Variants in PTHLH observed in about 807,000 individuals in gnomAD.
PTHLH encodes parathyroid hormone like hormone.
Under a neutral mutation model 18.6 loss-of-function variants are expected in PTHLH, and 5 were observed. The observed-to-expected ratio is 0.27, with a 90% CI of 0.14 to 0.56. The LOEUF (loss-of-function observed/expected upper bound fraction) is 0.56. PTHLH is among the 20% of genes least tolerant of loss of function. PTHLH has a pLI of 0.92. For missense variants in PTHLH, 207 were observed against 223.9 expected (o/e 0.92, Z 0.48); for synonymous variants, 90 against 94.0 (o/e 0.96, Z 0.25).
intron 5 of PTHLH, among the ~76,000 whole-genome samples, chr12:27,959,753 G>A (rs1158379095): frequency 2.0e-5 from 3 of 152,146 alleles, no homozygotes; most frequent in Non-Finnish European, 4.4e-5. Flanking sequence ...CTTCACCAAT[G>A]GTTTTGGTGG....
At chr12:27,960,611 A>C in intron 5 of PTHLH, among the ~76,000 whole-genome samples, 1 of 151,556 alleles carries the variant, frequency 6.6e-6, no homozygotes, top group East Asian at 1.9e-4. Flanking sequence ...CCAGCTACTC[A>C]GGAAGTTGAG....
intron 5 of PTHLH, among the ~76,000 whole-genome samples, chr12:27,959,424 T>A (rs1475258089): frequency 6.6e-6 from 1 of 152,228 alleles, no homozygotes; most frequent in Non-Finnish European, 1.5e-5. Flanking sequence ...ACTGACACCT[T>A]TTCTAATCTA....
chr12:27,967,490 C>T (rs2062825637), intron 4 of PTHLH, among the ~76,000 whole-genome samples: 1 of 152,146 alleles, frequency 6.6e-6, no homozygotes, highest in Non-Finnish European at 1.5e-5. Context: ...AAGAAACTAG[C>T]TTGATTTAGC....
In PTHLH at chr12:27,970,686, C is replaced by T. The variant is rs575741342; in HGVS notation, c.-265-419G>A. 5.3e-5 allele frequency among the ~76,000 whole-genome samples: 8 copies of T among 152,192 alleles called. No homozygotes were observed. In the South Asian group the frequency reaches 1.2e-3, roughly 24 times the overall value. ...GCGGTCCCCGGCGCGCCGAGCTGGA[C>T]GAGCGGGCGCCAAGACCACCAGGGG... On this transcript the variant is annotated intron_variant, in intron 2 of 5. Transcript: ENST00000545234.
In PTHLH at chr12:27,966,266, A is replaced by C. The variant is rs374179103; in HGVS notation, c.102-2496T>G. 2.5e-4 allele frequency among the ~76,000 whole-genome samples: 38 copies of C among 152,336 alleles called. 1 individual carries two copies. In the South Asian group the frequency reaches 7.7e-3, roughly 31 times the overall value. On this transcript the variant is annotated intron_variant, in intron 4 of 5. Coordinates refer to ENST00000545234, the MANE Select transcript of PTHLH (RefSeq NM_198965.2). ...CCTACAATATGGCACAGCTTTGTTC[A>C]ATTTAAAATAGTACATTGCTTACGA...
intron 5 of PTHLH, 108 bp downstream of exon 5, chr12:27,963,240 T>C (rs1476258346): frequency 1.0e-5 from 16 of 1,577,288 alleles, no homozygotes; most frequent in East Asian, 4.7e-5. Flanking sequence ...TCGATAGAGA[T>C]ACATAAAGGG....
chr12:27,961,291 ATATATATACG>A (rs1565520038), intron 5 of PTHLH, among the ~76,000 whole-genome samples: 79 of 24,242 alleles, frequency 3.3e-3, no homozygotes, highest in African/African-American at 3.9e-3. Context: ...ATATACGTAT[ATATATATACG>A]TATATATATA....
chr12:27,964,507 G>T (rs528817551), intron 4 of PTHLH, among the ~76,000 whole-genome samples: 1 of 152,098 alleles, frequency 6.6e-6, no homozygotes, highest in South Asian at 2.1e-4. Context: ...AAGAGAGGGA[G>T]AGTATGTGTA....
At chr12:27,963,903 C>T (rs1325681501) in intron 4 of PTHLH, 133 bp from the exon 5 acceptor site, 3 of 885,602 alleles carry the variant, frequency 3.4e-6, no homozygotes, top group Non-Finnish European at 3.5e-6. Context: ...GGGTAGCAAG[C>T]TCATTGCGCA....
intron 5 of PTHLH, chr12:27,962,823 T>C (rs2062773272): frequency 1.0e-6 from 1 of 969,436 alleles, no homozygotes; most frequent in Non-Finnish European, 1.2e-6. Context: ...AAATTTGAGA[T>C]TTAATTAAAT....
At chr12:27,965,983 C>G (rs1399747265) in intron 4 of PTHLH, among the ~76,000 whole-genome samples, 7 of 152,182 alleles carry the variant, frequency 4.6e-5, no homozygotes, top group Admixed American at 4.6e-4. Context: ...GGCAGAAGCC[C>G]TCGTCTTCTG....
At chr12:27,961,645 G>C in intron 5 of PTHLH, 1 of 309,412 alleles carries the variant, frequency 3.2e-6, no homozygotes, top group Admixed American at 4.8e-5. Context: ...GAATTTATAG[G>C]GTTTGTTACC....
In PTHLH at chr12:27,970,013, C is replaced by A. The variant is rs772348005; in HGVS notation, c.-23+12G>T. On this transcript the variant is annotated intron_variant, in intron 3 of 5. Transcript: ENST00000545234. ...GCGAAACCCACATATATATACATAG[C>A]TGTCTGTCTACCTCCTCTGGTGGGC... is the stretch of plus-strand genomic sequence containing the variant. 1 of 518,952 alleles carries A rather than the reference C, an allele frequency of 1.9e-6. No individual in the cohort carries two copies. Among genetic ancestry groups the A allele is most frequent in the Non-Finnish European group, 3.8e-6 (1 of 259,896 alleles). The allele number at this position is 518,952 out of a possible 1,614,324, so 32.1% of individuals were successfully genotyped here. A position where few individuals can be genotyped will look rare whatever the true frequency, so the allele number is the denominator to read the frequency against.
At chr12:27,958,806 A>G (rs2062731837) in intron 5 of PTHLH, among the ~76,000 whole-genome samples, 1 of 152,222 alleles carries the variant, frequency 6.6e-6, no homozygotes, top group South Asian at 2.1e-4. Context: ...GGAAAGGAAA[A>G]GGGCCTGCGT....
Position 27,965,825 on chromosome 12 carries a change from T to G in PTHLH, c.102-2055A>C, listed in dbSNP as rs140604413. 8.1e-3 allele frequency among the ~76,000 whole-genome samples: 1,237 copies of G among 152,350 alleles called. 11 individuals are homozygous for G. The highest frequency in any genetic ancestry group is 0.031 in the Middle Eastern group (9 of 294). On this transcript the variant is annotated intron_variant, in intron 4 of 5. Transcript: ENST00000545234. The stretch of plus-strand genomic sequence containing the variant: ...AAGGTATTTATATCCTTTAATAACA[T>G]TTATAAAATAATAGGACAGATATAA...
intron 4 of PTHLH, among the ~76,000 whole-genome samples, chr12:27,965,903 A>C (rs1356968775): frequency 6.6e-6 from 1 of 152,248 alleles, no homozygotes; most frequent in Non-Finnish European, 1.5e-5. Context: ...GCAAAATGTC[A>C]CATTAAAAAG....
intron 2 of PTHLH, among the ~76,000 whole-genome samples, chr12:27,970,525 G>T (rs1005517915): frequency 2.6e-4 from 39 of 151,748 alleles, no homozygotes; most frequent in African/African-American, 7.0e-4. Context: ...CCCGGAGCCC[G>T]GGCCCTGTCG....
intron 4 of PTHLH, among the ~76,000 whole-genome samples, chr12:27,965,797 T>C (rs911038451): frequency 1.3e-5 from 2 of 152,248 alleles, no homozygotes; most frequent in Admixed American, 6.5e-5. Context: ...GAGGCTTTGG[T>C]ACAAGGTATT....
chr12:27,963,629 G>A lies in PTHLH; in HGVS notation c.243C>T (p.Asn81=), dbSNP rs2062782432. ...EIRATSEVSP[N]SKPSPNTKNH... is the part of the protein sequence containing the mutation. ...TCTTTGTGTTGGGAGAGGGCTTGGA[G>A]TTAGGGGACACCTCCGAGGTAGCTC... Residue 81 remains asparagine (N), a synonymous_variant, in exon 5 of 6, where the codon AAC becomes AAT. Transcript: ENST00000545234. 6.2e-7 allele frequency: 1 copy of A among 1,614,036 alleles called. No homozygotes were observed. Among genetic ancestry groups the A allele is most frequent in the Admixed American group, 1.7e-5 (1 of 60,004 alleles).
Sources: gnomAD v4.1 joint callset for allele counts (sites outside exome capture counted in the v4.1 genomes callset) on GRCh38, gnomAD v4.1.1 for gene constraint, MANE v1.5 for transcripts, NCBI Gene and HGNC (gene_info 2026-07-23, HGNC 2026-07-21) for gene names.